GALNT13: variants seen among roughly 807,000 people sequenced by gnomAD.
The protein encoded by GALNT13 is UDP-GalNAc:polypeptide N-acetylgalactosaminyltransferase 13.
A neutral mutation model predicts 64.2 loss-of-function variants in GALNT13; 28 were observed. That is an observed-to-expected ratio of 0.44 (90% confidence interval 0.32 to 0.60). GALNT13 has a LOEUF of 0.60. Among genes scored for constraint, GALNT13 ranks in the 20% least tolerant of loss-of-function variants. The pLI is 0.05. For synonymous variants in GALNT13, 214 were observed against 224.6 expected (o/e 0.95, Z 0.42); for missense variants, 577 against 669.8 (o/e 0.86, Z 1.53).
intron 1 of GALNT13, among the ~76,000 whole-genome samples, chr2:153,873,266 G>A (rs1436964413): frequency 6.6e-6 from 1 of 152,176 alleles, no homozygotes; most frequent in African/African-American, 2.4e-5. Flanking sequence ...CCTGAAGGAG[G>A]GGCGCAAGGG....
chr2:153,070,222 C>T, the GALNT13 span, among the ~76,000 whole-genome samples: 1,248 of 152,132 alleles, frequency 8.2e-3, 8 homozygotes, highest in African/African-American at 0.016. Flanking sequence ...GAAAAGGCTA[C>T]GTACTATAAG....
At chr2:154,169,802 C>A (rs370031186) in intron 4 of GALNT13, among the ~76,000 whole-genome samples, 2 of 152,022 alleles carry the variant, frequency 1.3e-5, no homozygotes, top group African/African-American at 4.8e-5. Context: ...TAGCACCCAC[C>A]GTATTCAATG....
At chr2:154,137,201 G>A (rs1257620659) in intron 3 of GALNT13, among the ~76,000 whole-genome samples, 1 of 151,982 alleles carries the variant, frequency 6.6e-6, no homozygotes, top group African/African-American at 2.4e-5. Context: ...CCAGGTAAAA[G>A]CCAGAAAAAG....
intron 10 of GALNT13, among the ~76,000 whole-genome samples, chr2:154,401,823 TAAC>T (rs1699315894): frequency 6.6e-6 from 1 of 152,158 alleles, no homozygotes; most frequent in African/African-American, 2.4e-5. Flanking sequence ...AGATATCAGA[TAAC>T]AATAATTTTT....
chr2:153,852,207 G>A, the GALNT13 span, among the ~76,000 whole-genome samples: 5 of 152,160 alleles, frequency 3.3e-5, no homozygotes, highest in Non-Finnish European at 7.4e-5. Context: ...AAATGTAAAT[G>A]TCCTGAATAA....
chr2:153,267,793 A>C, the GALNT13 span, among the ~76,000 whole-genome samples: 2 of 152,214 alleles, frequency 1.3e-5, no homozygotes, highest in Non-Finnish European at 2.9e-5. Context: ...ATTTCTCCTC[A>C]GAAAATGGGT....
the GALNT13 span, among the ~76,000 whole-genome samples, chr2:153,805,093 A>G: frequency 3.2e-4 from 48 of 151,954 alleles, no homozygotes; most frequent in Non-Finnish European, 6.0e-4. Context: ...TAGATAGAAT[A>G]TAATGTAAAT....
rs746761797 is a variant in GALNT13, at chr2:153,901,271, G to GT, written c.-105+270dup. 9.2e-5 allele frequency among the ~76,000 whole-genome samples: 14 copies of GT among 152,164 alleles called. No individual in the cohort carries two copies. In the South Asian group the frequency reaches 2.5e-3, roughly 27 times the overall value. ...GAAGTCGGGTAATGTGATACCTCTA[G>GT]TTTTTTCTTTATGCTTAAGATTGCC... On this transcript the variant is annotated intron_variant, in intron 2 of 12. Coordinates refer to ENST00000392825, the MANE Select transcript of GALNT13 (RefSeq NM_052917.4).
At chr2:154,028,489 A>G (rs1412993678) in intron 3 of GALNT13, among the ~76,000 whole-genome samples, 1 of 152,082 alleles carries the variant, frequency 6.6e-6, no homozygotes, top group East Asian at 1.9e-4. Flanking sequence ...TTAAAGATGC[A>G]CTTTTTAAAA....
At chr2:153,974,986 T>C (rs1157079110) in intron 3 of GALNT13, among the ~76,000 whole-genome samples, 1 of 152,064 alleles carries the variant, frequency 6.6e-6, no homozygotes, top group African/African-American at 2.4e-5. Flanking sequence ...GGTAGCATCA[T>C]TAGAAAGAAT....
intron 3 of GALNT13, among the ~76,000 whole-genome samples, chr2:154,136,015 T>C (rs1433292399): frequency 6.6e-6 from 1 of 152,056 alleles, no homozygotes; most frequent in Non-Finnish European, 1.5e-5. Context: ...AGATAATTGA[T>C]TGACAAGACC....
intron 11 of GALNT13, among the ~76,000 whole-genome samples, chr2:154,412,279 C>T (rs1699827940): frequency 6.6e-6 from 1 of 151,726 alleles, no homozygotes; most frequent in Non-Finnish European, 1.5e-5. Flanking sequence ...ATAATTAATA[C>T]TAGGAACCTG....
chr2:154,456,499 A>G (rs1308772368), downstream of GALNT13, among the ~76,000 whole-genome samples: 2 of 152,060 alleles, frequency 1.3e-5, no homozygotes, highest in Non-Finnish European at 2.9e-5. Flanking sequence ...TCACTATTTT[A>G]TGCTTAACCT....
chr2:153,404,529 T>C, the GALNT13 span, among the ~76,000 whole-genome samples: 1 of 152,054 alleles, frequency 6.6e-6, no homozygotes, highest in East Asian at 1.9e-4. Flanking sequence ...TTTTTTACTT[T>C]AGAAAAAAAA....
chr2:154,270,067 T>G, intron 8 of GALNT13, among the ~76,000 whole-genome samples: 1 of 150,570 alleles, frequency 6.6e-6, no homozygotes, highest in African/African-American at 2.5e-5. Context: ...TATGCTCCTT[T>G]AGAAAAAAAT....
At chr2:153,255,519 T>C in the GALNT13 span, among the ~76,000 whole-genome samples, 1 of 151,610 alleles carries the variant, frequency 6.6e-6, no homozygotes, top group South Asian at 2.1e-4. Flanking sequence ...ATTATGATGT[T>C]AGCTGGTTAT....
intron 4 of GALNT13, among the ~76,000 whole-genome samples, chr2:154,160,038 T>C (rs956901463): frequency 6.6e-6 from 1 of 152,210 alleles, no homozygotes; most frequent in African/African-American, 2.4e-5. Flanking sequence ...GGCTGAACTA[T>C]TGGAAATGCT....
At chr2:154,406,101 G>C (rs77585367) in intron 10 of GALNT13, among the ~76,000 whole-genome samples, 4 of 152,236 alleles carry the variant, frequency 2.6e-5, no homozygotes, top group Non-Finnish European at 4.4e-5. Context: ...TATTGTTCCT[G>C]GTAAATAGAA....
the GALNT13 span, among the ~76,000 whole-genome samples, chr2:153,587,232 C>CAAAA: frequency 2.3e-5 from 3 of 129,554 alleles, no homozygotes; most frequent in Admixed American, 8.1e-5. Context: ...GACTCTGTCT[C>CAAAA]AAAAAAAAAA....
Sources: gnomAD v4.1 joint callset for allele counts (sites outside exome capture counted in the v4.1 genomes callset) on GRCh38, gnomAD v4.1.1 for gene constraint, MANE v1.5 for transcripts, NCBI Gene and HGNC (gene_info 2026-07-23, HGNC 2026-07-21) for gene names.